Variants in VPS13B observed in about 807,000 individuals in gnomAD.
VPS13B encodes vacuolar protein sorting 13 homolog B.
In VPS13B, 285 loss-of-function variants were observed where a neutral mutation model predicts 426.4. The ratio of observed to expected loss-of-function variants is 0.67; its 90% CI spans 0.61 to 0.74. VPS13B has a LOEUF of 0.74. Ranked by LOEUF, VPS13B falls within the 30% of genes least tolerant of loss-of-function variation. VPS13B has a pLI of 0.00. For missense variants in VPS13B, 4,537 were observed against 4,782.6 expected, an observed-to-expected ratio of 0.95 and a Z score of 1.51; for synonymous variants, 1,676 against 1,676.4, an observed-to-expected ratio of 1.00 and a Z score of 0.01.
At chr8:99,583,073 A>C (rs894550906) in intron 33 of VPS13B, among the ~76,000 whole-genome samples, 2 of 152,080 alleles carry the variant, frequency 1.3e-5, no homozygotes, top group African/African-American at 4.8e-5. Flanking sequence ...TTAATTTTTC[A>C]CACTGTAAAA....
chr8:99,853,598 T>C lies in VPS13B; in HGVS notation c.10209T>C (p.Gly3403=). 6.2e-7 allele frequency: 1 copy of C among 1,614,196 alleles called. No individual in the cohort carries two copies. The highest frequency in any genetic ancestry group is 8.5e-7 in the Non-Finnish European group (1 of 1,180,036). The change falls in exon 56 of 62, where the codon GGT becomes GGC. Residue 3403 remains glycine (G), a synonymous_variant. Coordinates refer to ENST00000357162, the MANE Select transcript of VPS13B (RefSeq NM_152564.5). ...NIFLCVAPGA[G]PLPGEEPVAA... is the part of the protein sequence containing the mutation. Reference sequence around the variant, plus strand: ...TTCTCTGTGTGGCCCCGGGAGCTGGTCCCCTCCCTGGGGAAGAGCCTGTGG... The same window carrying C: ...TTCTCTGTGTGGCCCCGGGAGCTGGCCCCCTCCCTGGGGAAGAGCCTGTGG...
intron 23 of VPS13B, among the ~76,000 whole-genome samples, chr8:99,456,493 C>A (rs1478280034): frequency 2.0e-5 from 3 of 152,044 alleles, no homozygotes; most frequent in African/African-American, 7.2e-5. Flanking sequence ...TTTAAAAAAT[C>A]ATGAATTGCT....
At chr8:99,109,388 CT>C (rs1053093027) in intron 5 of VPS13B, among the ~76,000 whole-genome samples, 13 of 148,626 alleles carry the variant, frequency 8.7e-5, no homozygotes, top group Admixed American at 2.7e-4. Flanking sequence ...TTCTTTCTTT[CT>C]TTTTTTTTTT....
intron 21 of VPS13B, among the ~76,000 whole-genome samples, chr8:99,418,747 T>C (rs77619785): frequency 0.054 from 8,257 of 152,134 alleles, 255 homozygotes; most frequent in African/African-American, 0.089. Flanking sequence ...CATGAAATTT[T>C]CGGAATAAAG....
At chr8:99,614,642 G>A (rs1828002221) in intron 33 of VPS13B, among the ~76,000 whole-genome samples, 2 of 152,098 alleles carry the variant, frequency 1.3e-5, no homozygotes, top group Non-Finnish European at 2.9e-5. Flanking sequence ...TTTAACCTGA[G>A]TATTTCATGG....
intron 33 of VPS13B, among the ~76,000 whole-genome samples, chr8:99,612,632 T>G (rs1242304453): frequency 6.6e-6 from 1 of 152,210 alleles, no homozygotes; most frequent in Non-Finnish European, 1.5e-5. Flanking sequence ...GCCTCCAATT[T>G]ATCTTTCTTG....
At chr8:99,820,874 G>C (rs1386161962) in intron 49 of VPS13B, among the ~76,000 whole-genome samples, 3 of 151,562 alleles carry the variant, frequency 2.0e-5, no homozygotes, top group Non-Finnish European at 4.4e-5. Context: ...AAAATAATCA[G>C]GTGATGTTAC....
intron 6 of VPS13B, 144 bp from the exon 7 acceptor site, chr8:99,115,552 GAGTA>G (rs1847612508): frequency 1.2e-6 from 1 of 807,064 alleles, no homozygotes; most frequent in Admixed American, 2.9e-5. Flanking sequence ...TAAGATCTTA[GAGTA>G]AGTATTGTTT....
intron 17 of VPS13B, among the ~76,000 whole-genome samples, chr8:99,266,912 G>A (rs1818339231): frequency 1.3e-5 from 2 of 152,120 alleles, no homozygotes; most frequent in Non-Finnish European, 2.9e-5. Flanking sequence ...TTTCTTCATA[G>A]CAGCATGAGA....
chr8:99,489,663 C>A (rs2133576407), intron 25 of VPS13B, among the ~76,000 whole-genome samples: 1 of 152,206 alleles, frequency 6.6e-6, no homozygotes, highest in South Asian at 2.1e-4. Flanking sequence ...CTCTTTGAAG[C>A]AATTGTGAAT....
At chr8:99,105,509 G>T (rs1309692266) in intron 5 of VPS13B, among the ~76,000 whole-genome samples, 1 of 152,120 alleles carries the variant, frequency 6.6e-6, no homozygotes, top group Non-Finnish European at 1.5e-5. Context: ...CTCCCAAGTA[G>T]CTGGGACTCT....
chr8:99,017,476 T>C (rs1490147660), intron 2 of VPS13B, among the ~76,000 whole-genome samples: 1 of 152,120 alleles, frequency 6.6e-6, no homozygotes, highest in Non-Finnish European at 1.5e-5. Context: ...GTCCTTTGTA[T>C]TTCCATATAC....
intron 19 of VPS13B, among the ~76,000 whole-genome samples, chr8:99,308,628 C>T (rs1303313969): frequency 2.6e-5 from 4 of 151,936 alleles, no homozygotes; most frequent in Non-Finnish European, 4.4e-5. Flanking sequence ...TGAATAGTGC[C>T]GCAATAAACA....
rs35215814 is a variant in VPS13B, at chr8:99,191,376, CTTTTTTTTTTTT to C, written c.2334-1486_2334-1475del. On this transcript the variant is annotated intron_variant, in intron 16 of 61. Transcript: ENST00000357162. The stretch of plus-strand genomic sequence containing the variant: ...TTCAGTTATTTTAGTCTCTCTCTCT[CTTTTTTTTTTTT>C]TTTTTTTTTTTTTGAGACGGAGTCT... 7.2e-4 allele frequency among the ~76,000 whole-genome samples: 51 copies of C among 70,956 alleles called. 2 individuals carry two copies. The highest frequency in any genetic ancestry group is 2.8e-3 in the African/African-American group (48 of 17,366). The allele number at this position is 70,956 out of a possible 152,430, so 46.5% of individuals were successfully genotyped here. A position where few individuals can be genotyped will look rare whatever the true frequency, so the allele number is the denominator to read the frequency against.
intron 3 of VPS13B, among the ~76,000 whole-genome samples, chr8:99,054,433 T>G (rs1339644294): frequency 6.6e-6 from 1 of 152,254 alleles, no homozygotes; most frequent in Non-Finnish European, 1.5e-5. Context: ...TTTTAAGAGT[T>G]CCTTTTGTAT....
chr8:99,232,389 G>T (rs1235835399), intron 17 of VPS13B, among the ~76,000 whole-genome samples: 1 of 152,022 alleles, frequency 6.6e-6, no homozygotes, highest in East Asian at 1.9e-4. Context: ...TAATTGCTGT[G>T]AGTGTCCTTC....
At chr8:99,459,911 T>G (rs531757192) in intron 23 of VPS13B, among the ~76,000 whole-genome samples, 2 of 152,300 alleles carry the variant, frequency 1.3e-5, no homozygotes, top group South Asian at 4.1e-4. Flanking sequence ...TGTTATTAAT[T>G]ATAGCTACTT....
At chr8:99,100,603 A>T (rs1247658548) in intron 4 of VPS13B, among the ~76,000 whole-genome samples, 1 of 152,296 alleles carries the variant, frequency 6.6e-6, no homozygotes. Flanking sequence ...AAATATTTTT[A>T]AAAAGATGAA....
chr8:99,543,423 C>T (rs1174191028), intron 30 of VPS13B, among the ~76,000 whole-genome samples: 4 of 151,060 alleles, frequency 2.6e-5, no homozygotes, highest in Non-Finnish European at 3.0e-5. Flanking sequence ...ATGTCTAAAA[C>T]ACCAAAAGCA....
Sources: gnomAD v4.1 joint callset for allele counts (sites outside exome capture counted in the v4.1 genomes callset) on GRCh38, gnomAD v4.1.1 for gene constraint, MANE v1.5 for transcripts, NCBI Gene and HGNC (gene_info 2026-07-23, HGNC 2026-07-21) for gene names.